USH2A: variants seen among roughly 807,000 people sequenced by gnomAD.
USH2A encodes usherin, also known as Usher syndrome 2A (autosomal recessive, mild).
Under a neutral mutation model 538.9 loss-of-function variants are expected in USH2A, and 443 were observed. The ratio of observed to expected loss-of-function variants is 0.82; its 90% CI spans 0.76 to 0.89. USH2A has a LOEUF of 0.89. Among genes scored for constraint, USH2A ranks in the 40% least tolerant of loss-of-function variants. USH2A has a pLI of 0.00. For missense variants in USH2A, 6,633 were observed against 6,324.8 expected (o/e 1.05, Z -1.65); for synonymous variants, 2,413 against 2,273.5 (o/e 1.06, Z -1.75).
At chr1:216,399,835 G>A (rs1486517143) in intron 3 of USH2A, among the ~76,000 whole-genome samples, 3 of 152,120 alleles carry the variant, frequency 2.0e-5, no homozygotes, top group Non-Finnish European at 4.4e-5. Context: ...GTGTGAGTCA[G>A]TGCTCCACTT....
intron 12 of USH2A, among the ~76,000 whole-genome samples, chr1:216,249,932 A>G (rs1031331802): frequency 5.9e-5 from 9 of 152,010 alleles, no homozygotes; most frequent in Non-Finnish European, 1.3e-4. Flanking sequence ...TATTTTTACT[A>G]TTGTAAGGTT....
intron 30 of USH2A, among the ~76,000 whole-genome samples, chr1:216,050,604 CTTTT>C (rs746265112): frequency 5.0e-4 from 34 of 67,850 alleles, no homozygotes; most frequent in Non-Finnish European, 6.2e-4. Context: ...TTCTTTCTTT[CTTTT>C]TTTTTTTTTT....
At chr1:216,013,798 C>A (rs1052379656) in intron 32 of USH2A, among the ~76,000 whole-genome samples, 1 of 152,102 alleles carries the variant, frequency 6.6e-6, no homozygotes, top group Non-Finnish European at 1.5e-5. Context: ...CCCACCTGCA[C>A]CCAGGTGAAA....
At chr1:215,773,080 C>T (rs911255886) in intron 55 of USH2A, among the ~76,000 whole-genome samples, 11 of 152,100 alleles carry the variant, frequency 7.2e-5, no homozygotes, top group African/African-American at 2.7e-4. Flanking sequence ...TATGGGAGTC[C>T]TCGGTAAGCC....
intron 15 of USH2A, among the ~76,000 whole-genome samples, chr1:216,209,607 AG>A (rs2035195151): frequency 1.3e-5 from 2 of 152,202 alleles, no homozygotes; most frequent in African/African-American, 4.8e-5. Flanking sequence ...TTACATTTTA[AG>A]ACAGGATTTC....
chr1:215,646,029 A>G (rs1478212081), intron 67 of USH2A, among the ~76,000 whole-genome samples: 1 of 152,232 alleles, frequency 6.6e-6, no homozygotes, highest in African/African-American at 2.4e-5. Flanking sequence ...TGCAAATACA[A>G]TAACGTCAAG....
At chr1:215,692,450 C>CATATATAT (rs375951866) in intron 61 of USH2A, among the ~76,000 whole-genome samples, 3 of 142,280 alleles carry the variant, frequency 2.1e-5, no homozygotes, top group African/African-American at 7.5e-5. Flanking sequence ...AGATATTTTA[C>CATATATAT]ATATATATAT....
In USH2A at chr1:216,322,891, GC is replaced by G. The variant is rs558647372; in HGVS notation, c.1550+582del. Among the ~76,000 whole-genome samples, 793 of 152,042 alleles carry G rather than the reference GC, an allele frequency of 5.2e-3. 2 individuals carry two copies. Among genetic ancestry groups the G allele is most frequent in the Non-Finnish European group, 6.2e-3 (421 of 67,982 alleles). On this transcript the variant is annotated intron_variant, in intron 8 of 71. Transcript: ENST00000307340. ...ACATTTCTATATTAGACAGTATGCT[GC>G]CTAGGTTTGCAGCTGTCATTTCTTT...
At chr1:216,099,710 T>C (rs12094823) in intron 21 of USH2A, among the ~76,000 whole-genome samples, 6,590 of 152,144 alleles carry the variant, frequency 0.043, 478 homozygotes, top group African/African-American at 0.15. Flanking sequence ...TATGAGGTGA[T>C]GGTGTGGGGC....
At chr1:216,037,555 A>G (rs2030043461) in intron 32 of USH2A, among the ~76,000 whole-genome samples, 2 of 152,110 alleles carry the variant, frequency 1.3e-5, no homozygotes, top group Non-Finnish European at 1.5e-5. Flanking sequence ...TATTACAATT[A>G]TTTGATAAAA....
intron 52 of USH2A, among the ~76,000 whole-genome samples, chr1:215,784,361 T>A (rs1049533980): frequency 1.4e-4 from 22 of 152,198 alleles, no homozygotes; most frequent in African/African-American, 4.8e-4. Context: ...CCTCAGATGG[T>A]CAATATGTTT....
At chr1:215,771,126 TAA>T (rs5780852) in intron 55 of USH2A, among the ~76,000 whole-genome samples, 1 of 134,842 alleles carries the variant, frequency 7.4e-6, no homozygotes. Context: ...CTAGACTGCC[TAA>T]AAAAAAAAAG....
intron 44 of USH2A, among the ~76,000 whole-genome samples, chr1:215,854,962 CTA>C (rs1449806997): frequency 6.6e-6 from 1 of 152,184 alleles, no homozygotes; most frequent in East Asian, 1.9e-4. Context: ...GCTTGCTTAT[CTA>C]TGTCTGCAGT....
At chr1:215,726,564 C>T (rs965542033) in intron 61 of USH2A, among the ~76,000 whole-genome samples, 1 of 152,002 alleles carries the variant, frequency 6.6e-6, no homozygotes, top group Non-Finnish European at 1.5e-5. Flanking sequence ...AAATGTTATC[C>T]TCCATAAGAT....
intron 4 of USH2A, among the ~76,000 whole-genome samples, chr1:216,359,262 C>T (rs1029819749): frequency 6.6e-6 from 1 of 151,842 alleles, no homozygotes; most frequent in Admixed American, 6.6e-5. Context: ...TAGTGTTATC[C>T]CTATCTTATT....
intron 9 of USH2A, among the ~76,000 whole-genome samples, chr1:216,297,629 ACTATG>A (rs2037132780): frequency 6.6e-6 from 1 of 152,168 alleles, no homozygotes; most frequent in African/African-American, 2.4e-5. Context: ...TATGACTGTC[ACTATG>A]CTATATATAG....
chr1:216,180,512 A>G (rs1558301749), intron 20 of USH2A, among the ~76,000 whole-genome samples: 1 of 152,144 alleles, frequency 6.6e-6, no homozygotes, highest in African/African-American at 2.4e-5. Context: ...TAGACTTGCA[A>G]AATTTATGTA....
chr1:215,867,429 T>C (rs999184263), intron 43 of USH2A, among the ~76,000 whole-genome samples: 7 of 152,214 alleles, frequency 4.6e-5, no homozygotes, highest in Admixed American at 4.6e-4. Flanking sequence ...ATATTGCTAT[T>C]GAAAACAAAT....
intron 3 of USH2A, among the ~76,000 whole-genome samples, chr1:216,398,341 C>T (rs1220294551): frequency 1.3e-5 from 2 of 152,134 alleles, no homozygotes; most frequent in Non-Finnish European, 1.5e-5. Flanking sequence ...GGCAAATTCC[C>T]TAGTTTTCGT....
Sources: allele counts gnomAD v4.1 joint callset (sites outside exome capture counted in the v4.1 genomes callset), GRCh38; gene constraint gnomAD v4.1.1; transcripts MANE v1.5; gene names NCBI Gene and HGNC (gene_info 2026-07-23, HGNC 2026-07-21).